Variants in PCDHGB5 observed in about 807,000 individuals in gnomAD.
PCDHGB5 encodes protocadherin gamma subfamily B, 5, also known as protocadherin gamma-B5.
A neutral mutation model predicts 62.9 loss-of-function variants in PCDHGB5; 48 were observed. That is an observed-to-expected ratio of 0.76 (90% CI 0.61 to 0.97). PCDHGB5 has a LOEUF of 0.97. Among genes scored for constraint, PCDHGB5 ranks in the 50% least tolerant of loss-of-function variants. PCDHGB5 has a pLI of 0.00. For missense variants in PCDHGB5, 1,118 were observed against 1,198.6 expected (o/e 0.93, Z 0.99); for synonymous variants, 474 against 511.2 (o/e 0.93, Z 0.98).
intron 1 of PCDHGB5, chr5:141,403,191 G>T (rs368387997): frequency 6.2e-7 from 1 of 1,613,994 alleles, no homozygotes; most frequent in Non-Finnish European, 8.5e-7. Flanking sequence ...CTGAACCCGC[G>T]CAGCGGCACC....
chr5:141,487,421 C>G lies in PCDHGB5; in HGVS notation c.2398-7386C>G. On this transcript the variant is annotated intron_variant, in intron 1 of 3. Transcript: ENST00000617380. This position sits in a 1 kb window ranked among gnomAD's most constrained non-coding sequence, Gnocchi z 5.0. ...GGGGCTTCCCCCTTCCAATGGGATC[C>G]TCCGAATCCAGCTAGGGTCAGATGA... 1 of 1,614,144 alleles carries G rather than the reference C, an allele frequency of 6.2e-7. No individual in the cohort carries two copies. The highest frequency in any genetic ancestry group is 8.5e-7 in the Non-Finnish European group (1 of 1,180,022).
At position 141,477,751 on chromosome 5, in the gene PCDHGB5, G is replaced by T; in HGVS notation, c.2398-17056G>T. 1.2e-6 allele frequency: 2 copies of T among 1,613,830 alleles called. No homozygotes were observed. Among genetic ancestry groups the T allele is most frequent in the Non-Finnish European group, 1.7e-6 (2 of 1,180,022 alleles). On this transcript the variant is annotated intron_variant, in intron 1 of 3. Coordinates refer to ENST00000617380, the MANE Select transcript of PCDHGB5 (RefSeq NM_018925.3). This position sits in a 1 kb window ranked among gnomAD's most constrained non-coding sequence, Gnocchi z 4.9. ...CTCATATCAGCGATGGGGGCACCCC[G>T]GTCCTAGCCACCAACATCAGCGTGA...
In PCDHGB5 at chr5:141,413,451, C is replaced by T. The variant is rs1561742650; in HGVS notation, c.2397+12927C>T. 6.2e-6 allele frequency: 10 copies of T among 1,614,118 alleles called. No homozygotes were observed. The South Asian group carries it at 1.1e-4, about 18-fold the overall frequency. ...GCAGCGGCAGCTTGATCACCGCGGGCAGGATAGACCGGGAGGAGCTCTGCG... is the reference window on the plus strand; with the variant it reads ...GCAGCGGCAGCTTGATCACCGCGGGTAGGATAGACCGGGAGGAGCTCTGCG... On this transcript the variant is annotated intron_variant, in intron 1 of 3. Transcript: ENST00000617380.
intron 1 of PCDHGB5, chr5:141,414,381 T>A: frequency 6.2e-7 from 1 of 1,613,866 alleles, no homozygotes. Context: ...AAAAGTCCAT[T>A]GACAGTTATT....
At chr5:141,463,738 G>A (rs1002263384) in intron 1 of PCDHGB5, among the ~76,000 whole-genome samples, 4 of 151,978 alleles carry the variant, frequency 2.6e-5, no homozygotes, top group Admixed American at 2.6e-4. Flanking sequence ...GAGCCACCGC[G>A]CCCGGCCTGC....
chr5:141,410,153 C>G (rs200651346), intron 1 of PCDHGB5: 9 of 1,612,786 alleles, frequency 5.6e-6, no homozygotes. Context: ...TGACGGTGGA[C>G]AGCCGCCACT....
chr5:141,405,327 G>A, intron 1 of PCDHGB5: 1 of 1,614,166 alleles, frequency 6.2e-7, no homozygotes. Flanking sequence ...GAGCCTTTGT[G>A]CGTCTCTGTT....
At chr5:141,404,759 T>G (rs1466446291) in intron 1 of PCDHGB5, 1 of 1,613,632 alleles carries the variant, frequency 6.2e-7, no homozygotes, top group Admixed American at 1.7e-5. Flanking sequence ...CCAGAATGCT[T>G]GGCTCTCCTA....
intron 1 of PCDHGB5, chr5:141,403,036 C>T: frequency 1.9e-6 from 3 of 1,614,080 alleles, no homozygotes; most frequent in Non-Finnish European, 2.5e-6. Context: ...AGGCCAGGGC[C>T]AGTCAGATTC....
Position 141,420,043 on chromosome 5 carries a change from G to T in PCDHGB5, c.2397+19519G>T, listed in dbSNP as rs747553514. On this transcript the variant is annotated intron_variant, in intron 1 of 3. Coordinates refer to ENST00000617380, the MANE Select transcript of PCDHGB5 (RefSeq NM_018925.3). ...GCCCTACTGCAGGAGACTGCTTTGAGTCAGTTCTCTGCTCCAAGTCCGGAC... is the reference window on the plus strand; with the variant it reads ...GCCCTACTGCAGGAGACTGCTTTGATTCAGTTCTCTGCTCCAAGTCCGGAC... The T allele has an allele frequency of 1.9e-6, 3 of 1,614,078 alleles. No individual in the cohort carries two copies. In the Admixed American group the frequency reaches 5.0e-5, roughly 27 times the overall value.
chr5:141,506,737 C>T (rs893758261), intron 3 of PCDHGB5, among the ~76,000 whole-genome samples: 5 of 152,076 alleles, frequency 3.3e-5, no homozygotes, highest in African/African-American at 1.2e-4. Flanking sequence ...AGAATAATGC[C>T]TATTAATAAA....
chr5:141,400,190 T>G lies in PCDHGB5; in HGVS notation c.2063T>G (p.Leu688Arg), dbSNP rs914854634. 6.2e-7 allele frequency: 1 copy of G among 1,613,898 alleles called. No homozygotes were observed. The highest frequency in any genetic ancestry group is 8.5e-7 in the Non-Finnish European group (1 of 1,179,872). The change falls in exon 1 of 4, where the codon CTA (leucine) becomes CGA (arginine). Residue 688 changes from leucine (L) to arginine (R), a missense_variant. By Grantham distance (102) the Leu-to-Arg change is moderately radical. Coordinates refer to ENST00000617380, the MANE Select transcript of PCDHGB5 (RefSeq NM_018925.3). Reference protein sequence around the residue: ...SDPQAELQFYLVVALALISVL... With the variant: ...SDPQAELQFYRVVALALISVL... ...CCCCAGGCTGAGCTGCAGTTTTACC[T>G]AGTGGTGGCCTTGGCCTTGATCTCA...
intron 1 of PCDHGB5, among the ~76,000 whole-genome samples, chr5:141,444,152 ATTTTTTTTTTTT>A (rs747671382): frequency 5.9e-4 from 20 of 33,896 alleles, no homozygotes; most frequent in African/African-American, 1.8e-3. Flanking sequence ...TGTGTACTGG[ATTTTTTTTTTTT>A]TTTTTTTTTT....
chr5:141,420,061 G>C, intron 1 of PCDHGB5: 1 of 1,614,076 alleles, frequency 6.2e-7, no homozygotes. Flanking sequence ...TCTGCTCCAA[G>C]TCCGGACCTG....
chr5:141,421,358 C>T (rs2096566137), intron 1 of PCDHGB5: 1 of 1,613,870 alleles, frequency 6.2e-7, no homozygotes, highest in Non-Finnish European at 8.5e-7. Context: ...GAAAAGGGCT[C>T]CTTCGTGGGC....
At chr5:141,435,446 G>A (rs889481920) in intron 1 of PCDHGB5, among the ~76,000 whole-genome samples, 12 of 152,060 alleles carry the variant, frequency 7.9e-5, no homozygotes, top group Admixed American at 6.6e-4. Context: ...TCATTAATAC[G>A]ATATCTGTAT....
rs1561858566 is a variant in PCDHGB5 at position 141,432,177 on chromosome 5, C to G, written c.2397+31653C>G. ...AATCCCAGAGGAGTTTCCCTCGTCTCTGTGACCGCCCACGACCCCGACTGT... is the reference window on the plus strand; with the variant it reads ...AATCCCAGAGGAGTTTCCCTCGTCTGTGTGACCGCCCACGACCCCGACTGT... On this transcript the variant is annotated intron_variant, in intron 1 of 3. Transcript: ENST00000617380. This position sits in a 1 kb window ranked among gnomAD's most constrained non-coding sequence, Gnocchi z 6.0. The G allele has an allele frequency of 6.2e-7, 1 of 1,614,220 alleles. No homozygotes were observed. Among genetic ancestry groups the G allele is most frequent in the Admixed American group, 1.7e-5 (1 of 60,032 alleles).
intron 2 of PCDHGB5, among the ~76,000 whole-genome samples, chr5:141,500,768 A>C (rs2099802446): frequency 6.6e-6 from 1 of 152,180 alleles, no homozygotes; most frequent in African/African-American, 2.4e-5. Flanking sequence ...AACTCCTCTT[A>C]TGAATATACA....
chr5:141,489,915 C>T lies in PCDHGB5; in HGVS notation c.2398-4892C>T, dbSNP rs971312502. On this transcript the variant is annotated intron_variant, in intron 1 of 3. Coordinates refer to ENST00000617380, the MANE Select transcript of PCDHGB5 (RefSeq NM_018925.3). This position sits in a 1 kb window ranked among gnomAD's most constrained non-coding sequence, Gnocchi z 4.5. ...GGGGGACCCCAGCCCGCTCAGGGAC[C>T]ACCCTTATCTCTGTCATCGTGCTGG... The T allele has an allele frequency of 6.2e-7, 1 of 1,614,242 alleles. No individual in the cohort carries two copies. Among genetic ancestry groups the T allele is most frequent in the Non-Finnish European group, 8.5e-7 (1 of 1,180,044 alleles).
Sources: allele counts gnomAD v4.1 joint callset (sites outside exome capture counted in the v4.1 genomes callset), GRCh38; gene constraint gnomAD v4.1.1; non-coding constraint Gnocchi (gnomAD v3.1); transcripts MANE v1.5; gene names NCBI Gene and HGNC (gene_info 2026-07-23, HGNC 2026-07-21).